The following WWOX variants were observed in gnomAD, a reference collection of about 807,000 sequenced individuals.
The protein encoded by WWOX is WW domain containing oxidoreductase.
WWOX carries 69 observed loss-of-function variants against 46.2 expected under a neutral mutation model. That is an observed-to-expected ratio of 1.49 (90% CI 1.23 to 1.82). The LOEUF (loss-of-function observed/expected upper bound fraction) is 1.82. WWOX is among the 40% of genes most tolerant of loss of function. The pLI, the probability that WWOX is intolerant of heterozygous loss-of-function variation, is 0.00. For missense variants in WWOX, 919 were observed against 542.6 expected (o/e 1.69, Z -6.89); for synonymous variants, 359 against 202.6 (o/e 1.77, Z -6.56).
chr16:79,130,943 G>T (rs1449991839), intron 8 of WWOX, among the ~76,000 whole-genome samples: 1 of 152,198 alleles, frequency 6.6e-6, no homozygotes. Context: ...CCACTGCATT[G>T]TTGGCCATAA....
intron 8 of WWOX, among the ~76,000 whole-genome samples, chr16:78,461,528 G>C (rs1235142685): frequency 6.6e-6 from 1 of 152,216 alleles, no homozygotes; most frequent in African/African-American, 2.4e-5. Context: ...AAGTCAAACA[G>C]ATCCTTTCGC....
rs763227950 is a variant in WWOX at position 78,753,328 on chromosome 16, GAAA to G, written c.1056+320580_1056+320582del. 6.1e-5 allele frequency among the ~76,000 whole-genome samples: 9 copies of G among 147,622 alleles called. No homozygotes were observed. In the South Asian group the frequency reaches 1.7e-3, roughly 27 times the overall value. ...AGTGAGACTCCGTCTCAAAAAAAAAGAAAAAAGAAAGAAAGAACCTCTTAGGCA... is the reference window on the plus strand; with the variant it reads ...AGTGAGACTCCGTCTCAAAAAAAAAGAAAGAAAGAAAGAACCTCTTAGGCA... On this transcript the variant is annotated intron_variant, in intron 8 of 8. Coordinates refer to ENST00000566780, the MANE Select transcript of WWOX (RefSeq NM_016373.4).
intron 6 of WWOX, among the ~76,000 whole-genome samples, chr16:78,420,885 A>C (rs990564411): frequency 6.6e-6 from 1 of 152,158 alleles, no homozygotes; most frequent in Non-Finnish European, 1.5e-5. Flanking sequence ...TCCTGACTGT[A>C]TATCTGGAAA....
intron 5 of WWOX, among the ~76,000 whole-genome samples, chr16:78,249,996 G>T (rs2037940054): frequency 6.6e-6 from 1 of 152,186 alleles, no homozygotes; most frequent in Non-Finnish European, 1.5e-5. Flanking sequence ...TGAACACACA[G>T]TGATTCAAAC....
Position 79,211,775 on chromosome 16 carries a change from G to A in WWOX, c.1224G>A (p.Arg408=). 6.2e-7 allele frequency: 1 copy of A among 1,614,124 alleles called. No individual in the cohort carries two copies. Among genetic ancestry groups the A allele is most frequent in the East Asian group, 2.2e-5 (1 of 44,878 alleles). The change falls in exon 9 of 9, where the codon CGG becomes CGA. Residue 408 remains arginine, a synonymous_variant. Coordinates refer to ENST00000566780, the MANE Select transcript of WWOX (RefSeq NM_016373.4). ...WALSERLIQE[R]LGSQSG ...TCAGCGAGAGGCTGATCCAAGAACG[G>A]CTTGGCAGCCAGTCCGGCTAAGTGG...
chr16:78,623,515 A>G (rs901592791), intron 8 of WWOX, among the ~76,000 whole-genome samples: 7 of 152,238 alleles, frequency 4.6e-5, no homozygotes, highest in Admixed American at 2.6e-4. Flanking sequence ...CCCCATCTCT[A>G]CTAAAAATAC....
At chr16:79,002,378 C>T (rs1171470238) in intron 8 of WWOX, among the ~76,000 whole-genome samples, 4 of 151,902 alleles carry the variant, frequency 2.6e-5, no homozygotes, top group Non-Finnish European at 5.9e-5. Flanking sequence ...TGCACACCAC[C>T]ATGCCCGGCT....
Position 78,148,309 on chromosome 16 carries a change from C to T in WWOX, c.410-15874C>T, listed in dbSNP as rs142200188. On this transcript the variant is annotated intron_variant, in intron 4 of 8. Transcript: ENST00000566780. Reference sequence around the variant, plus strand: ...ATGGGTGTGTGTGTGCACGTGTGTGCGCATGCCTGTGTGTGTCATTGGTTA... The same window carrying T: ...ATGGGTGTGTGTGTGCACGTGTGTGTGCATGCCTGTGTGTGTCATTGGTTA... Among the ~76,000 whole-genome samples the T allele has an allele frequency of 4.5e-4, 69 of 152,168 alleles. 1 individual carries two copies. The South Asian group carries it at 5.8e-3, about 13-fold the overall frequency.
At chr16:78,930,448 ATT>A (rs71140847) in intron 8 of WWOX, among the ~76,000 whole-genome samples, 16,520 of 106,136 alleles carry the variant, frequency 0.16, 1,343 homozygotes, top group South Asian at 0.28. Context: ...CAGCTAGCTA[ATT>A]TTTTTTTTTT....
chr16:78,877,767 T>C (rs1377352853), intron 8 of WWOX, among the ~76,000 whole-genome samples: 1 of 152,174 alleles, frequency 6.6e-6, no homozygotes, highest in Non-Finnish European at 1.5e-5. Flanking sequence ...GAAGACAATA[T>C]TTATTGGAGG....
At chr16:78,966,664 T>A (rs2046368234) in intron 8 of WWOX, among the ~76,000 whole-genome samples, 1 of 152,194 alleles carries the variant, frequency 6.6e-6, no homozygotes, top group African/African-American at 2.4e-5. Flanking sequence ...AAGATTACAT[T>A]TTCAGAAGTA....
At chr16:79,016,901 C>G (rs1358929828) in intron 8 of WWOX, 1 of 152,088 alleles carries the variant, frequency 6.6e-6, no homozygotes, top group African/African-American at 2.4e-5. Context: ...TTATGTTTTC[C>G]AAAATAGGAC....
chr16:78,838,083 T>G (rs1359058049), intron 8 of WWOX, among the ~76,000 whole-genome samples: 1 of 152,142 alleles, frequency 6.6e-6, no homozygotes, highest in Non-Finnish European at 1.5e-5. Flanking sequence ...GCCTTCTGCT[T>G]TGTCTCTGGG....
chr16:78,475,403 G>T (rs2084328049), intron 8 of WWOX, among the ~76,000 whole-genome samples: 1 of 152,120 alleles, frequency 6.6e-6, no homozygotes, highest in African/African-American at 2.4e-5. Context: ...TGGATAAACT[G>T]GGATTTGTAA....
intron 8 of WWOX, among the ~76,000 whole-genome samples, chr16:78,990,628 T>G (rs890401220): frequency 6.7e-6 from 1 of 150,338 alleles, no homozygotes; most frequent in African/African-American, 2.5e-5. Flanking sequence ...CAGGCCAGAA[T>G]GTGATAAAGT....
At chr16:79,085,293 G>A (rs938473967) in intron 8 of WWOX, among the ~76,000 whole-genome samples, 3 of 152,218 alleles carry the variant, frequency 2.0e-5, no homozygotes, top group African/African-American at 7.2e-5. Flanking sequence ...TCCCAATGAT[G>A]AAGGAGCTAC....
At chr16:78,418,058 A>G (rs1056782191) in intron 6 of WWOX, among the ~76,000 whole-genome samples, 1 of 152,188 alleles carries the variant, frequency 6.6e-6, no homozygotes, top group Non-Finnish European at 1.5e-5. Context: ...CTTTCCAGCA[A>G]GCGCTTAAAG....
intron 6 of WWOX, among the ~76,000 whole-genome samples, chr16:78,416,178 T>C (rs562724767): frequency 6.6e-6 from 1 of 152,260 alleles, no homozygotes. Context: ...TATTTTTGTT[T>C]CCATTCTGTC....
chr16:78,755,731 T>G (rs1253383195), intron 8 of WWOX, among the ~76,000 whole-genome samples: 2 of 152,100 alleles, frequency 1.3e-5, no homozygotes, highest in East Asian at 3.9e-4. Context: ...TACCCGCTAT[T>G]AAATATGCCG....
Sources: allele counts gnomAD v4.1 joint callset (sites outside exome capture counted in the v4.1 genomes callset), GRCh38; gene constraint gnomAD v4.1.1; transcripts MANE v1.5; gene names NCBI Gene and HGNC (gene_info 2026-07-23, HGNC 2026-07-21).